Variants in LARGE1 observed in about 807,000 individuals in gnomAD.
LARGE1 encodes LARGE xylosyl- and glucuronyltransferase 1, also known as xylosyl- and glucuronyltransferase LARGE1.
LARGE1 carries 43 observed loss-of-function variants against 87.6 expected under a neutral mutation model. The ratio of observed to expected loss-of-function variants is 0.49; its 90% CI spans 0.38 to 0.63. The LOEUF is 0.63. LARGE1 is among the 30% of genes least tolerant of loss of function. The pLI, the probability that LARGE1 is intolerant of heterozygous loss-of-function variation, is 0.00. For missense variants in LARGE1, 802 were observed against 1,000.2 expected, an observed-to-expected ratio of 0.80 and a Z score of 2.67; for synonymous variants, 434 against 394.6, an observed-to-expected ratio of 1.10 and a Z score of -1.18.
chr22:33,105,397 T>C, the LARGE1 span: 1 of 152,216 alleles, frequency 6.6e-6, no homozygotes, highest in Admixed American at 6.5e-5. Flanking sequence ...TTTGCTCTAA[T>C]TCTCATTTCC....
chr22:33,799,845 A>G (rs2086105070), intron 1 of LARGE1, among the ~76,000 whole-genome samples: 1 of 152,108 alleles, frequency 6.6e-6, no homozygotes, highest in Non-Finnish European at 1.5e-5. Context: ...TTCAGGGGAG[A>G]ATGAAAATAC....
At position 33,259,319 on chromosome 22, in the gene LARGE1, AACACACACACAC is replaced by A. The variant is rs3071499; in HGVS notation, c.1730+44898_1730+44909del. The stretch of plus-strand genomic sequence containing the variant: ...ACTATCCACGAGAAATCCAAAGGGC[AACACACACACAC>A]ACACACACACACACACAAACACACA... On this transcript the variant is annotated intron_variant, in intron 11 of 11. Transcript: ENST00000608642. Among the ~76,000 whole-genome samples, 1,062 of 145,296 alleles carry A rather than the reference AACACACACACAC, an allele frequency of 7.3e-3. 10 individuals are homozygous for A. The highest frequency in any genetic ancestry group is 0.026 in the African/African-American group (974 of 36,976).
At chr22:33,336,966 C>A (rs756975214) in intron 10 of LARGE1, among the ~76,000 whole-genome samples, 1 of 150,594 alleles carries the variant, frequency 6.6e-6, no homozygotes, top group African/African-American at 2.4e-5. Context: ...GAGGCTGAGG[C>A]GGGAGAATCG....
chr22:33,467,851 C>T (rs916179855), intron 6 of LARGE1, among the ~76,000 whole-genome samples: 4 of 152,276 alleles, frequency 2.6e-5, no homozygotes, highest in Middle Eastern at 3.4e-3. Flanking sequence ...CAAAACTTGG[C>T]TCTTCAGCCC....
intron 4 of LARGE1, among the ~76,000 whole-genome samples, chr22:33,620,870 T>C (rs1412890303): frequency 2.0e-5 from 3 of 152,076 alleles, no homozygotes; most frequent in Non-Finnish European, 4.4e-5. Flanking sequence ...TGAGCTGAGA[T>C]TGCATCAAGA....
At chr22:33,496,600 G>A (rs1314885767) in intron 6 of LARGE1, among the ~76,000 whole-genome samples, 2 of 152,072 alleles carry the variant, frequency 1.3e-5, no homozygotes, top group African/African-American at 2.4e-5. Context: ...TTTATGACCC[G>A]TTCTGTTTAC....
rs117336120 is a variant in LARGE1, at chr22:33,798,934, G to A, written c.-82-37376C>T. On this transcript the variant is annotated intron_variant, in intron 1 of 14. Coordinates refer to ENST00000397394, the MANE Select transcript of LARGE1 (RefSeq NM_133642.5). ...GAATTGGAAGGAACCTTAAAAGTCA[G>A]GCATTTCAGCTTTCCACCCAACACT... is the stretch of plus-strand genomic sequence containing the variant. Among the ~76,000 whole-genome samples, 252 of 152,256 alleles carry A rather than the reference G, an allele frequency of 1.7e-3. 2 individuals carry two copies. The highest frequency in any genetic ancestry group is 2.2e-3 in the Non-Finnish European group (149 of 68,020).
chr22:33,820,823 T>C (rs867044099), intron 1 of LARGE1, among the ~76,000 whole-genome samples: 2 of 152,166 alleles, frequency 1.3e-5, no homozygotes, highest in African/African-American at 4.8e-5. Flanking sequence ...TTCTAGTCCT[T>C]GTCCCTGCTG....
chr22:33,392,051 G>A (rs549859494), intron 7 of LARGE1, among the ~76,000 whole-genome samples: 36 of 151,862 alleles, frequency 2.4e-4, no homozygotes, highest in African/African-American at 7.7e-4. Context: ...TTACAGGTGT[G>A]AGCCACCGTG....
At chr22:33,329,213 T>G (rs1364267344) in intron 10 of LARGE1, among the ~76,000 whole-genome samples, 1 of 152,170 alleles carries the variant, frequency 6.6e-6, no homozygotes, top group Non-Finnish European at 1.5e-5. Flanking sequence ...AGGTGAATAA[T>G]GCAGTCATCA....
At chr22:33,252,816 G>T (rs1249841990) in intron 11 of LARGE1, among the ~76,000 whole-genome samples, 6 of 152,204 alleles carry the variant, frequency 3.9e-5, no homozygotes. Context: ...TTAAAGAACA[G>T]AATTTAGGAG....
chr22:33,576,997 T>C (rs1351154627), intron 5 of LARGE1, among the ~76,000 whole-genome samples: 1 of 152,180 alleles, frequency 6.6e-6, no homozygotes, highest in African/African-American at 2.4e-5. Context: ...CAGATATAGA[T>C]AGGTGACTAT....
At chr22:33,352,562 T>C (rs1940490409) in intron 9 of LARGE1, among the ~76,000 whole-genome samples, 1 of 152,008 alleles carries the variant, frequency 6.6e-6, no homozygotes, top group South Asian at 2.1e-4. Flanking sequence ...AAGACCAGCC[T>C]GGCCAACACG....
chr22:33,083,994 A>C, the LARGE1 span, among the ~76,000 whole-genome samples: 3 of 152,140 alleles, frequency 2.0e-5, no homozygotes, highest in South Asian at 6.2e-4. Context: ...ATCTCCAGCC[A>C]TATCTTCCTT....
intron 2 of LARGE1, among the ~76,000 whole-genome samples, chr22:33,717,274 C>T (rs79374879): frequency 2.0e-4 from 30 of 152,270 alleles, no homozygotes; most frequent in Admixed American, 3.9e-4. Context: ...CAATATCCAA[C>T]GAAACCAGGC....
intron 9 of LARGE1, among the ~76,000 whole-genome samples, chr22:33,376,588 T>A (rs9619344): frequency 0.011 from 1,684 of 152,318 alleles, 24 homozygotes; most frequent in African/African-American, 0.031. Flanking sequence ...AGGCTCTATA[T>A]CATAATGATA....
chr22:33,702,825 G>A (rs946016344), intron 2 of LARGE1, among the ~76,000 whole-genome samples: 2 of 152,188 alleles, frequency 1.3e-5, no homozygotes, highest in African/African-American at 4.8e-5. Context: ...GTAGGCTCAA[G>A]ATATTAGATA....
At position 33,219,588 on chromosome 22, in the gene LARGE1, A is replaced by G. The variant is rs888641029; in HGVS notation, c.1731-52756T>C. On this transcript the variant is annotated intron_variant, in intron 11 of 11. Transcript: ENST00000608642. The stretch of plus-strand genomic sequence containing the variant: ...GGTGAATGAACAAAAGTGTGAGCCA[A>G]TAGGGCATTTCTGTGGAAAGGGACC... 2.6e-5 allele frequency among the ~76,000 whole-genome samples: 4 copies of G among 152,236 alleles called. No homozygotes were observed. The East Asian group carries it at 7.7e-4, about 29-fold the overall frequency.
At chr22:33,855,330 T>C (rs986643950) in intron 1 of LARGE1, among the ~76,000 whole-genome samples, 3 of 151,320 alleles carry the variant, frequency 2.0e-5, no homozygotes, top group African/African-American at 7.3e-5. Context: ...CGGGACCCCG[T>C]CTCAAAAAAA....
Sources: gnomAD v4.1 joint callset for allele counts (sites outside exome capture counted in the v4.1 genomes callset) on GRCh38, gnomAD v4.1.1 for gene constraint, MANE v1.5 for transcripts, NCBI Gene and HGNC (gene_info 2026-07-23, HGNC 2026-07-21) for gene names.